The following TMEM230 variants were observed in gnomAD, a reference collection of about 807,000 sequenced individuals.
TMEM230 encodes UPF0414 transmembrane protein C20orf30.
A neutral mutation model predicts 15.8 loss-of-function variants in TMEM230; 10 were observed. That is an observed-to-expected ratio of 0.63 (90% CI 0.39 to 1.07). The LOEUF (loss-of-function observed/expected upper bound fraction) is 1.07, where lower values mean the gene tolerates loss of function less well. Ranked by LOEUF, TMEM230 falls within the 50% of genes least tolerant of loss-of-function variation. TMEM230 has a pLI of 0.01. For synonymous variants in TMEM230, 67 were observed against 76.9 expected, an observed-to-expected ratio of 0.87 and a Z score of 0.68; for missense variants, 165 against 193.3, an observed-to-expected ratio of 0.85 and a Z score of 0.87.
intron 3 of TMEM230, among the ~76,000 whole-genome samples, chr20:5,075,066 C>CTT (rs35746212): frequency 1.4e-5 from 2 of 139,182 alleles, no homozygotes; most frequent in Non-Finnish European, 1.6e-5. Flanking sequence ...TAAAGTGGTA[C>CTT]TTTTTTTTTT....
At chr20:5,081,859 ATTTTCTTTTTTTTCTTT>A (rs1476797110) in intron 3 of TMEM230, among the ~76,000 whole-genome samples, 1 of 92,232 alleles carries the variant, frequency 1.1e-5, no homozygotes, top group Non-Finnish European at 2.1e-5. Flanking sequence ...AAATTCACTG[ATTTTCTTTTTTTTCTTT>A]TTTTTTTTTT....
chr20:5,110,718 T>C (rs1324378723), intron 2 of TMEM230, among the ~76,000 whole-genome samples: 1 of 152,188 alleles, frequency 6.6e-6, no homozygotes, highest in African/African-American at 2.4e-5. Flanking sequence ...GAATATGGTA[T>C]AATATCTTAC....
chr20:5,108,461 T>TATTCCA (rs1158530027), intron 3 of TMEM230, among the ~76,000 whole-genome samples: 2 of 151,840 alleles, frequency 1.3e-5, no homozygotes, highest in Non-Finnish European at 2.9e-5. Flanking sequence ...AATTTCAGCT[T>TATTCCA]ATTCCAAATG....
intron 3 of TMEM230, among the ~76,000 whole-genome samples, chr20:5,107,650 CA>C (rs1200408884): frequency 1.3e-5 from 2 of 150,444 alleles, no homozygotes; most frequent in Non-Finnish European, 2.9e-5. Context: ...CCTGTCTCTA[CA>C]AAAAATTTTA....
chr20:5,059,640 C>T, the TMEM230 span, among the ~76,000 whole-genome samples: 1 of 149,850 alleles, frequency 6.7e-6, no homozygotes, highest in Non-Finnish European at 1.5e-5. Flanking sequence ...GAGAGAGTGT[C>T]TCAGTGTTGC....
intron 1 of TMEM230, chr20:5,111,848 G>A: frequency 7.6e-6 from 7 of 918,700 alleles, no homozygotes; most frequent in Non-Finnish European, 9.1e-6. Flanking sequence ...CTTTTTTTTT[G>A]GTGTTTTCTT....
intron 3 of TMEM230, among the ~76,000 whole-genome samples, chr20:5,081,025 T>A (rs975687842): frequency 1.3e-5 from 2 of 152,220 alleles, no homozygotes; most frequent in African/African-American, 4.8e-5. Flanking sequence ...AATATCCAAG[T>A]GCATGATTGG....
intron 4 of TMEM230, among the ~76,000 whole-genome samples, chr20:5,104,397 T>C (rs1170397989): frequency 1.3e-5 from 2 of 152,136 alleles, no homozygotes; most frequent in Non-Finnish European, 2.9e-5. Flanking sequence ...CAATAACGAA[T>C]GCTAGCGAGG....
At chr20:5,075,066 CTT>C (rs35746212) in intron 3 of TMEM230, among the ~76,000 whole-genome samples, 39 of 139,072 alleles carry the variant, frequency 2.8e-4, no homozygotes, top group Non-Finnish European at 2.7e-4. Flanking sequence ...TAAAGTGGTA[CTT>C]TTTTTTTTTT....
At chr20:5,108,714 T>C (rs969825661) in intron 3 of TMEM230, among the ~76,000 whole-genome samples, 2 of 152,218 alleles carry the variant, frequency 1.3e-5, no homozygotes, top group African/African-American at 2.4e-5. Context: ...TAGTTCCACG[T>C]AGAACATTCT....
intron 3 of TMEM230, among the ~76,000 whole-genome samples, chr20:5,079,307 A>G (rs2089107125): frequency 6.6e-6 from 1 of 152,180 alleles, no homozygotes; most frequent in Non-Finnish European, 1.5e-5. Context: ...ATTTAATATC[A>G]AAGAGGTTAA....
At chr20:5,106,123 A>G in intron 4 of TMEM230, 65 bp downstream of exon 3, 2 of 1,532,264 alleles carry the variant, frequency 1.3e-6, no homozygotes, top group Non-Finnish European at 1.8e-6. Context: ...ACACACACGC[A>G]CACTAGAGCC....
intron 3 of TMEM230, among the ~76,000 whole-genome samples, chr20:5,084,292 C>T (rs1234786696): frequency 2.7e-5 from 4 of 150,536 alleles, no homozygotes; most frequent in East Asian, 3.9e-4. Flanking sequence ...GGCACAATCT[C>T]GGCTCACTGC....
At chr20:5,071,577 C>T (rs898990743) in intron 3 of TMEM230, among the ~76,000 whole-genome samples, 19 of 149,026 alleles carry the variant, frequency 1.3e-4, no homozygotes, top group African/African-American at 3.7e-4. Flanking sequence ...GAGCCAAGAT[C>T]GCGCCATTGC....
intron 3 of TMEM230, among the ~76,000 whole-genome samples, chr20:5,080,027 A>G (rs1361011710): frequency 1.3e-5 from 2 of 152,350 alleles, no homozygotes; most frequent in African/African-American, 4.8e-5. Flanking sequence ...AACTAATAAA[A>G]GCTGGGTTAC....
chr20:5,069,965 C>T (rs6038053), intron 3 of TMEM230, among the ~76,000 whole-genome samples: 3,741 of 152,284 alleles, frequency 0.025, 141 homozygotes, highest in African/African-American at 0.082. Flanking sequence ...CTGCCTCGAC[C>T]TCCCAAAGTG....
At chr20:5,109,238 A>C (rs1315760502) in intron 3 of TMEM230, 94 bp downstream of exon 2, 3 of 975,770 alleles carry the variant, frequency 3.1e-6, no homozygotes, top group African/African-American at 3.3e-5. Context: ...TCTAATCCCC[A>C]AGGACAGTTA....
intron 3 of TMEM230, among the ~76,000 whole-genome samples, chr20:5,094,000 C>A (rs1017404038): frequency 9.9e-5 from 15 of 151,992 alleles, no homozygotes; most frequent in African/African-American, 2.7e-4. Context: ...GTCGCCCAGG[C>A]TGGAGTGCAG....
chr20:5,061,755 C>T, the TMEM230 span, among the ~76,000 whole-genome samples: 2 of 152,056 alleles, frequency 1.3e-5, no homozygotes, highest in Non-Finnish European at 2.9e-5. Context: ...CCAATTTCAA[C>T]AATTGGCTAA....
Sources: allele counts gnomAD v4.1 joint callset (sites outside exome capture counted in the v4.1 genomes callset), GRCh38; gene constraint gnomAD v4.1.1; transcripts MANE v1.5; gene names NCBI Gene and HGNC (gene_info 2026-07-23, HGNC 2026-07-21).